Variants in AGO3 observed in about 807,000 individuals in gnomAD.
AGO3 encodes the protein argonaute RISC catalytic component 3.
AGO3 carries 16 observed loss-of-function variants against 105.5 expected under a neutral mutation model. That is an observed-to-expected ratio of 0.15 (90% CI 0.10 to 0.23). The LOEUF is 0.23. AGO3 is among the 10% of genes least tolerant of loss of function. The pLI is 1.00. For synonymous variants in AGO3, 340 were observed against 367.3 expected, an observed-to-expected ratio of 0.93 and a Z score of 0.85; for missense variants, 534 against 1,088.0, an observed-to-expected ratio of 0.49 and a Z score of 7.16.
chr1:35,958,164 C>T (rs1571431125), intron 2 of AGO3, among the ~76,000 whole-genome samples: 1 of 152,042 alleles, frequency 6.6e-6, no homozygotes, highest in African/African-American at 2.4e-5. Flanking sequence ...GGGCGGATCA[C>T]AAGGTCTGGA....
At chr1:36,032,560 A>G (rs559833200) in intron 12 of AGO3, among the ~76,000 whole-genome samples, 1 of 151,982 alleles carries the variant, frequency 6.6e-6, no homozygotes, top group African/African-American at 2.4e-5. Context: ...TAAAAAAAAA[A>G]TTTGGCAGGG....
chr1:36,035,175 G>A lies in AGO3; in HGVS notation c.1751+842G>A, dbSNP rs144669136. Among the ~76,000 whole-genome samples the A allele has an allele frequency of 3.8e-3, 572 of 152,134 alleles. 5 individuals are homozygous for A. The highest frequency in any genetic ancestry group is 0.013 in the African/African-American group (550 of 41,502). Reference sequence around the variant, plus strand: ...CCCTGTTAAATATGAGATGAGATCCGTAAATGAGATAAATAAAGAATTTTA... The same window carrying A: ...CCCTGTTAAATATGAGATGAGATCCATAAATGAGATAAATAAAGAATTTTA... On this transcript the variant is annotated intron_variant, in intron 13 of 18. Transcript: ENST00000373191.
chr1:35,971,990 A>G (rs754565411), intron 3 of AGO3, 34 bp from the exon 4 acceptor site: 1 of 1,570,242 alleles, frequency 6.4e-7, no homozygotes, highest in Non-Finnish European at 8.7e-7. Flanking sequence ...TATCTTTTTC[A>G]ACATTTACCA....
chr1:36,028,303 T>C (rs1302676549), intron 12 of AGO3, among the ~76,000 whole-genome samples: 1 of 152,096 alleles, frequency 6.6e-6, no homozygotes, highest in Non-Finnish European at 1.5e-5. Context: ...ATGTGCAGTT[T>C]AGTTACATGT....
chr1:35,967,561 C>T (rs12022532), intron 3 of AGO3, among the ~76,000 whole-genome samples: 19,566 of 151,808 alleles, frequency 0.13, 3,150 homozygotes, highest in East Asian at 0.68. Context: ...ATTACAGGCA[C>T]GTGCTACCAC....
intron 2 of AGO3, among the ~76,000 whole-genome samples, chr1:35,947,250 G>T (rs571255884): frequency 6.7e-5 from 10 of 148,384 alleles, no homozygotes; most frequent in Admixed American, 6.7e-4. Flanking sequence ...CCTATAGGTG[G>T]TTTTTTTTTT....
intron 5 of AGO3, among the ~76,000 whole-genome samples, chr1:35,987,508 G>T (rs925636712): frequency 2.6e-5 from 4 of 151,466 alleles, no homozygotes; most frequent in Non-Finnish European, 5.9e-5. Context: ...AAAAGCAAAA[G>T]GATATGTTAT....
intron 1 of AGO3, among the ~76,000 whole-genome samples, chr1:35,940,241 A>G (rs1646229771): frequency 6.6e-6 from 1 of 151,846 alleles, no homozygotes; most frequent in African/African-American, 2.4e-5. Flanking sequence ...TAATTTTTGT[A>G]TTTTTAGTAG....
chr1:35,942,742 C>T (rs1055909340), intron 1 of AGO3, among the ~76,000 whole-genome samples: 3 of 152,066 alleles, frequency 2.0e-5, no homozygotes, highest in African/African-American at 7.2e-5. Context: ...GTAAAATATA[C>T]AACCATTAAA....
At chr1:35,946,751 G>GTTATA (rs945523203) in intron 2 of AGO3, among the ~76,000 whole-genome samples, 2 of 152,148 alleles carry the variant, frequency 1.3e-5, no homozygotes, top group Non-Finnish European at 2.9e-5. Context: ...AAGTGAATGA[G>GTTATA]CACTAAAAGA....
intron 5 of AGO3, among the ~76,000 whole-genome samples, chr1:35,987,447 C>T (rs1362658758): frequency 6.6e-6 from 1 of 151,184 alleles, no homozygotes; most frequent in African/African-American, 2.4e-5. Flanking sequence ...GAGCCGAGAT[C>T]ACGCCACTGC....
chr1:36,017,237 G>A (rs557922773), intron 11 of AGO3, among the ~76,000 whole-genome samples: 2 of 152,260 alleles, frequency 1.3e-5, no homozygotes, highest in South Asian at 4.1e-4. Flanking sequence ...AGAGTTTGGA[G>A]TATGCTCCTT....
At chr1:35,944,544 CTTTT>C (rs761797350) in intron 1 of AGO3, among the ~76,000 whole-genome samples, 146 of 105,466 alleles carry the variant, frequency 1.4e-3, no homozygotes, top group African/African-American at 3.2e-3. Context: ...ATTTTATTTA[CTTTT>C]TTTTTTTTTT....
chr1:35,949,048 A>G (rs1308046752), intron 2 of AGO3, among the ~76,000 whole-genome samples: 1 of 152,056 alleles, frequency 6.6e-6, no homozygotes, highest in African/African-American at 2.4e-5. Flanking sequence ...GGTTCAAGCA[A>G]TTCTCCTGCC....
At chr1:36,030,604 T>A (rs1327129335) in intron 12 of AGO3, among the ~76,000 whole-genome samples, 2 of 152,140 alleles carry the variant, frequency 1.3e-5, no homozygotes, top group Non-Finnish European at 2.9e-5. Flanking sequence ...TAATACCTAG[T>A]GCTTGTGAGT....
intron 12 of AGO3, among the ~76,000 whole-genome samples, chr1:36,028,012 T>C (rs967580862): frequency 1.3e-5 from 2 of 152,066 alleles, no homozygotes; most frequent in Non-Finnish European, 2.9e-5. Flanking sequence ...AGTTTCCTCA[T>C]CTCTGGAATT....
At chr1:35,994,600 G>A (rs1648091814) in intron 5 of AGO3, among the ~76,000 whole-genome samples, 1 of 151,974 alleles carries the variant, frequency 6.6e-6, no homozygotes, top group African/African-American at 2.4e-5. Context: ...TCTGTTTGTA[G>A]AAGACATAAT....
In AGO3 at chr1:36,059,344, A is replaced by T. The variant is rs1642997240; in HGVS notation, c.*3599A>T. ...AGGCTAAGTGACAAATGCTTCTTGA[A>T]ATTTGTCCTATTTATTGTTGCATTT... On this transcript the variant is annotated 3_prime_UTR_variant, in exon 19 of 19. Transcript: ENST00000373191. The T allele has an allele frequency of 6.6e-6, 1 of 151,996 alleles. No homozygotes were observed. The highest frequency in any genetic ancestry group is 2.4e-5 in the African/African-American group (1 of 41,406). The allele number at this position is 151,996 out of a possible 1,614,324, so 9.4% of individuals were successfully genotyped here.
chr1:36,036,259 A>G lies in AGO3; in HGVS notation c.1834A>G (p.Ile612Val), dbSNP rs1642003152. The change falls in exon 14 of 19, where the codon ATT becomes GTT. Residue 612 changes from isoleucine to valine, a missense_variant. Ile to Val is a conservative substitution (Grantham distance 29, BLOSUM62 3). Coordinates refer to ENST00000373191, the MANE Select transcript of AGO3 (RefSeq NM_024852.4). ...PPAGDGKKPS[I>V]AAVVGSMDAH... ...TGCTGGTGATGGAAAGAAGCCTTCT[A>G]TTGCTGCTGTGAGTGTTAGCCAGGT... 1 of 1,613,992 alleles carries G rather than the reference A, an allele frequency of 6.2e-7. No individual in the cohort carries two copies. The highest frequency in any genetic ancestry group is 8.5e-7 in the Non-Finnish European group (1 of 1,179,874).
Sources: allele counts gnomAD v4.1 joint callset (sites outside exome capture counted in the v4.1 genomes callset), GRCh38; gene constraint gnomAD v4.1.1; transcripts MANE v1.5; gene names NCBI Gene and HGNC (gene_info 2026-07-23, HGNC 2026-07-21).